JADE1: variants seen among roughly 807,000 people sequenced by gnomAD.
JADE1 encodes the protein jade family PHD finger 1, also known as protein Jade-1.
In JADE1, 14 loss-of-function variants were observed where a neutral mutation model predicts 81.8. The ratio of observed to expected loss-of-function variants is 0.17; its 90% CI spans 0.11 to 0.27. The LOEUF (loss-of-function observed/expected upper bound fraction) is 0.27, where lower values mean the gene tolerates loss of function less well. Ranked by LOEUF, JADE1 falls within the 10% of genes least tolerant of loss-of-function variation. JADE1 has a pLI of 1.00. For missense variants in JADE1, 690 were observed against 1,047.9 expected (o/e 0.66, Z 4.71); for synonymous variants, 353 against 391.9 (o/e 0.90, Z 1.17).
intron 1 of JADE1, among the ~76,000 whole-genome samples, chr4:128,829,328 T>C (rs1407923377): frequency 6.6e-6 from 1 of 152,182 alleles, no homozygotes; most frequent in East Asian, 1.9e-4. Flanking sequence ...TTGTAAAGCG[T>C]GTCCATAATA....
intron 9 of JADE1, chr4:128,863,842 T>C (rs1185469762): frequency 1.0e-6 from 1 of 985,328 alleles, no homozygotes; most frequent in Admixed American, 6.2e-5. Context: ...GTCAGATAGT[T>C]GTTGGGAGGG....
At chr4:128,863,188 AG>A in intron 9 of JADE1, 3 of 985,544 alleles carry the variant, frequency 3.0e-6, no homozygotes, top group Non-Finnish European at 3.6e-6. Flanking sequence ...TTCCTGCTAC[AG>A]GAATAATGAG....
intron 1 of JADE1, among the ~76,000 whole-genome samples, chr4:128,830,122 C>T (rs1362512646): frequency 2.6e-5 from 4 of 151,744 alleles, no homozygotes; most frequent in Non-Finnish European, 5.9e-5. Flanking sequence ...GTGATCCTCC[C>T]ACCTCGGCCT....
At chr4:128,841,576 T>C (rs73850006) in intron 2 of JADE1, among the ~76,000 whole-genome samples, 2,119 of 152,190 alleles carry the variant, frequency 0.014, 49 homozygotes, top group African/African-American at 0.048. Flanking sequence ...TTGGGTAAAA[T>C]GTTGAGCTCA....
At chr4:128,861,422 T>G (rs1731315747) in intron 8 of JADE1, among the ~76,000 whole-genome samples, 1 of 152,226 alleles carries the variant, frequency 6.6e-6, no homozygotes, top group Non-Finnish European at 1.5e-5. Flanking sequence ...CCCAGCACTT[T>G]GGGAGGCTGA....
rs775618201 is a variant in JADE1, at chr4:128,846,488, C to G, written c.252C>G (p.Val84=). Residue 84 remains valine (V), a synonymous_variant, in exon 4 of 11, where the codon GTC becomes GTG. Coordinates refer to ENST00000226319, the MANE Select transcript of JADE1 (RefSeq NM_199320.4). This position sits in a 1 kb window ranked among gnomAD's most constrained non-coding sequence, Gnocchi z 4.0. The stretch of plus-strand genomic sequence containing the variant: ...GGAGACAGGAATGGGAGAAAGGGGT[C>G]CAGGTGCCTGTGAGCCCGGGGACCA... ...DPWRQEWEKG[V]QVPVSPGTIP... The G allele has an allele frequency of 3.3e-5, 54 of 1,614,018 alleles. No homozygotes were observed. The highest frequency in any genetic ancestry group is 4.5e-5 in the Non-Finnish European group (53 of 1,180,040).
At position 128,811,637 on chromosome 4, in the gene JADE1, G is replaced by T. The variant is rs1478918781; in HGVS notation, c.-27+1760G>T. On this transcript the variant is annotated intron_variant, in intron 1 of 10. Coordinates refer to ENST00000226319, the MANE Select transcript of JADE1 (RefSeq NM_199320.4). ...GTCCCAGCTGCGCCGCCCGGGCCGG[G>T]GTGGGGGGTTGCGGGGGCGGGGACG... Among the ~76,000 whole-genome samples, 190 of 93,102 alleles carry T rather than the reference G, an allele frequency of 2.0e-3. 5 individuals carry two copies. Among genetic ancestry groups the T allele is most frequent in the Middle Eastern group, 6.4e-3 (1 of 156 alleles). 61.1% of individuals were successfully genotyped at this position (93,102 alleles called of 152,430 possible).
rs1732262580 is a variant in JADE1, at chr4:128,872,409, C to A, written c.*147C>A. On this transcript the variant is annotated 3_prime_UTR_variant, in exon 11 of 11. Coordinates refer to ENST00000226319, the MANE Select transcript of JADE1 (RefSeq NM_199320.4). Reference sequence around the variant, plus strand: ...ATTCAGATTAATTTTTTTCCAGAGTCATTTTTAAATCATTTTTGTGAGAAG... The same window carrying A: ...ATTCAGATTAATTTTTTTCCAGAGTAATTTTTAAATCATTTTTGTGAGAAG... 8 of 675,118 alleles carry A rather than the reference C, an allele frequency of 1.2e-5. No individual in the cohort carries two copies. Among genetic ancestry groups the A allele is most frequent in the Admixed American group, 3.0e-5 (1 of 32,826 alleles). 41.8% of individuals were successfully genotyped at this position (675,118 alleles called of 1,614,324 possible).
At chr4:128,811,503 C>A (rs1176787222) in intron 1 of JADE1, 1 of 151,824 alleles carries the variant, frequency 6.6e-6, no homozygotes, top group Admixed American at 6.5e-5. Context: ...CCGGGGCCAA[C>A]TTTTGTAGCC....
rs1728126017 is a variant in JADE1 at position 128,826,872 on chromosome 4, C to T, written c.-26-4861C>T. 2.0e-5 allele frequency among the ~76,000 whole-genome samples: 3 copies of T among 152,142 alleles called. 1 individual carries two copies. In the South Asian group the frequency reaches 6.2e-4, roughly 32 times the overall value. On this transcript the variant is annotated intron_variant, in intron 1 of 10. Coordinates refer to ENST00000226319, the MANE Select transcript of JADE1 (RefSeq NM_199320.4). ...CTTTAGTCACGCTCCTCCGGTCCTCCGCGTGAATGGGCACTACCTTGGGCT... is the reference window on the plus strand; with the variant it reads ...CTTTAGTCACGCTCCTCCGGTCCTCTGCGTGAATGGGCACTACCTTGGGCT...
chr4:128,819,323 G>A (rs1431825206), intron 1 of JADE1, among the ~76,000 whole-genome samples: 1 of 152,072 alleles, frequency 6.6e-6, no homozygotes. Context: ...AGGCAGTAGT[G>A]CAGTGGCACG....
At chr4:128,847,534 G>C (rs1334115556) in intron 4 of JADE1, among the ~76,000 whole-genome samples, 1 of 152,212 alleles carries the variant, frequency 6.6e-6, no homozygotes, top group Non-Finnish European at 1.5e-5. Flanking sequence ...TGGTCATGGG[G>C]CCCTGCGGGG....
In JADE1 at chr4:128,867,903, G is replaced by A. The variant is rs570011940; in HGVS notation, c.1551G>A (p.Arg517=). 3 of 1,613,924 alleles carry A rather than the reference G, an allele frequency of 1.9e-6. No individual in the cohort carries two copies. The highest frequency in any genetic ancestry group is 2.2e-5 in the South Asian group (2 of 91,076). ...TGACCCGCAGGGAAAAGATTAAACG[G>A]TCTGTGTGCAAAGTCCAGGAACAGA... ...YMVTRREKIK[R]SVCKVQEQIF... Residue 517 remains arginine (R), a synonymous_variant, in exon 10 of 11, where the codon CGG becomes CGA. Transcript: ENST00000226319.
At chr4:128,829,425 A>C (rs753247718) in intron 1 of JADE1, among the ~76,000 whole-genome samples, 6 of 152,204 alleles carry the variant, frequency 3.9e-5, no homozygotes, top group Non-Finnish European at 8.8e-5. Context: ...TCAATTGATA[A>C]ACAAAAACTT....
At chr4:128,833,788 G>A (rs1032382452) in intron 2 of JADE1, among the ~76,000 whole-genome samples, 21 of 152,170 alleles carry the variant, frequency 1.4e-4, no homozygotes, top group African/African-American at 5.1e-4. Context: ...AAGCTTAAGA[G>A]CCCTATTTAA....
Position 128,818,786 on chromosome 4 carries a change from C to A in JADE1, c.-27+8909C>A, listed in dbSNP as rs1225582471. ...TGTTCTTTGGCCCTCTACCCTCAAC[C>A]ATTTCAATATGTGAAAATCACTCTT... On this transcript the variant is annotated intron_variant, in intron 1 of 10. Transcript: ENST00000226319. 1.3e-5 allele frequency among the ~76,000 whole-genome samples: 2 copies of A among 152,216 alleles called. 1 individual carries two copies. Among genetic ancestry groups the A allele is most frequent in the East Asian group, 3.9e-4 (2 of 5,194 alleles).
chr4:128,815,297 T>C (rs187475929), intron 1 of JADE1, among the ~76,000 whole-genome samples: 1 of 152,254 alleles, frequency 6.6e-6, no homozygotes, highest in Non-Finnish European at 1.5e-5. Flanking sequence ...AGACGGGGTT[T>C]CACCGTGTTA....
At chr4:128,815,037 T>G (rs1319854166) in intron 1 of JADE1, among the ~76,000 whole-genome samples, 4 of 151,508 alleles carry the variant, frequency 2.6e-5, no homozygotes, top group Non-Finnish European at 4.4e-5. Context: ...AAGTCGATTT[T>G]AATCTTAAGT....
At chr4:128,840,986 C>A (rs535855255) in intron 2 of JADE1, among the ~76,000 whole-genome samples, 5 of 152,324 alleles carry the variant, frequency 3.3e-5, no homozygotes, top group African/African-American at 1.2e-4. Flanking sequence ...GCATGGCAAT[C>A]CCATTTGGTC....
Sources: allele counts gnomAD v4.1 joint callset (sites outside exome capture counted in the v4.1 genomes callset), GRCh38; gene constraint gnomAD v4.1.1; non-coding constraint Gnocchi (gnomAD v3.1); transcripts MANE v1.5; gene names NCBI Gene and HGNC (gene_info 2026-07-23, HGNC 2026-07-21).